BICC1: variants seen among roughly 807,000 people sequenced by gnomAD.
BICC1 encodes the protein BicC family RNA binding protein 1.
In BICC1, 43 loss-of-function variants were observed where a neutral mutation model predicts 111.0. That is an observed-to-expected ratio of 0.39 (90% CI 0.30 to 0.50). The LOEUF is 0.50. Ranked by LOEUF, BICC1 falls within the 20% of genes least tolerant of loss-of-function variation. The pLI, the probability that BICC1 is intolerant of heterozygous loss-of-function variation, is 0.88. For synonymous variants in BICC1, 467 were observed against 434.4 expected (o/e 1.07, Z -0.93); for missense variants, 1,091 against 1,203.2 (o/e 0.91, Z 1.38).
intron 1 of BICC1, among the ~76,000 whole-genome samples, chr10:58,581,106 T>G (rs1479914422): frequency 6.6e-6 from 1 of 152,200 alleles, no homozygotes; most frequent in Non-Finnish European, 1.5e-5. Flanking sequence ...TTTCCATACT[T>G]ATAAAGCAAA....
chr10:58,682,774 G>A (rs1839575079), intron 2 of BICC1, among the ~76,000 whole-genome samples: 2 of 152,296 alleles, frequency 1.3e-5, no homozygotes, highest in South Asian at 4.1e-4. Context: ...GTAGATTCTG[G>A]ATATTAGCCC....
intron 9 of BICC1, among the ~76,000 whole-genome samples, chr10:58,794,807 C>G (rs1020359423): frequency 6.6e-6 from 1 of 152,176 alleles, no homozygotes; most frequent in Non-Finnish European, 1.5e-5. Flanking sequence ...AGCACAGCCA[C>G]TTTGAAGAGC....
intron 3 of BICC1, among the ~76,000 whole-genome samples, chr10:58,784,726 C>T (rs1025444452): frequency 4.6e-5 from 7 of 151,962 alleles, no homozygotes; most frequent in East Asian, 3.9e-4. Context: ...TTTGCAATTA[C>T]GTGATATACT....
Position 58,542,375 on chromosome 10 carries a change from A to G in BICC1, c.190+29042A>G, listed in dbSNP as rs567210495. Among the ~76,000 whole-genome samples the G allele has an allele frequency of 1.4e-3, 216 of 152,184 alleles. 1 individual carries two copies. Among genetic ancestry groups the G allele is most frequent in the African/African-American group, 4.9e-3 (202 of 41,538 alleles). On this transcript the variant is annotated intron_variant, in intron 1 of 20. Transcript: ENST00000373886. ...CTTATACCAGATTAAAAAAAATTAA[A>G]TGGATTAAGACCTAAATGTAATACC...
chr10:58,631,782 A>G (rs1006833653), intron 2 of BICC1, among the ~76,000 whole-genome samples: 8 of 152,310 alleles, frequency 5.3e-5, no homozygotes, highest in South Asian at 2.1e-4. Flanking sequence ...AACCAGCTTC[A>G]ATTTCCACGT....
intron 2 of BICC1, among the ~76,000 whole-genome samples, chr10:58,663,772 T>C (rs1470465237): frequency 6.6e-6 from 1 of 152,176 alleles, no homozygotes; most frequent in Non-Finnish European, 1.5e-5. Context: ...ATGAAACTGG[T>C]CCCTGATGCC....
intron 4 of BICC1, among the ~76,000 whole-genome samples, chr10:58,786,156 A>G (rs1843005433): frequency 6.6e-6 from 1 of 152,212 alleles, no homozygotes; most frequent in Non-Finnish European, 1.5e-5. Context: ...AAGACTGAAT[A>G]ATTTCAGTAA....
At chr10:58,795,518 A>T (rs1843325051) in intron 9 of BICC1, among the ~76,000 whole-genome samples, 1 of 152,210 alleles carries the variant, frequency 6.6e-6, no homozygotes, top group Non-Finnish European at 1.5e-5. Flanking sequence ...GAGTTCAGTA[A>T]GAAATGAGCA....
At position 58,829,139 on chromosome 10, in the gene BICC1, G is replaced by T. The variant is rs2133008259; in HGVS notation, c.*248G>T. ...AGTTGGACAGAATTTGCAATATAAG[G>T]ATAGGGCTTTATTTCCTGTTTTTAT... On this transcript the variant is annotated 3_prime_UTR_variant, in exon 21 of 21. Coordinates refer to ENST00000373886, the MANE Select transcript of BICC1 (RefSeq NM_001080512.3). 3.4e-6 allele frequency: 1 copy of T among 296,364 alleles called. No individual in the cohort carries two copies. Among genetic ancestry groups the T allele is most frequent in the Non-Finnish European group, 6.2e-6 (1 of 161,910 alleles). 18.4% of individuals were successfully genotyped at this position (296,364 alleles called of 1,614,324 possible).
chr10:58,555,082 A>G (rs1843406529), intron 1 of BICC1, among the ~76,000 whole-genome samples: 1 of 151,976 alleles, frequency 6.6e-6, no homozygotes, highest in African/African-American at 2.4e-5. Flanking sequence ...AGTAACTCAC[A>G]TAGTGGGGAG....
At chr10:58,766,135 A>C (rs1015350650) in intron 3 of BICC1, among the ~76,000 whole-genome samples, 1 of 152,184 alleles carries the variant, frequency 6.6e-6, no homozygotes, top group Non-Finnish European at 1.5e-5. Flanking sequence ...CTGGCAGGAC[A>C]GTGGTATCAC....
intron 3 of BICC1, among the ~76,000 whole-genome samples, chr10:58,721,750 C>T (rs1391074336): frequency 2.0e-5 from 3 of 152,070 alleles, no homozygotes; most frequent in South Asian, 4.1e-4. Context: ...ATTTTCAGCA[C>T]GTAAGCAGGG....
At chr10:58,654,894 TC>T (rs1428698668) in intron 2 of BICC1, among the ~76,000 whole-genome samples, 1 of 139,660 alleles carries the variant, frequency 7.2e-6, no homozygotes, top group Admixed American at 7.5e-5. Context: ...TTCAGCTTTC[TC>T]CATATGGCTA....
At chr10:58,656,021 C>T (rs554848590) in intron 2 of BICC1, among the ~76,000 whole-genome samples, 13 of 152,138 alleles carry the variant, frequency 8.5e-5, no homozygotes, top group African/African-American at 3.1e-4. Context: ...GGGATATCAC[C>T]ACCGATCCCA....
chr10:58,555,804 A>C (rs1843434208), intron 1 of BICC1, among the ~76,000 whole-genome samples: 1 of 152,134 alleles, frequency 6.6e-6, no homozygotes, highest in African/African-American at 2.4e-5. Flanking sequence ...TTTAACTTGG[A>C]TTACTGGAGA....
intron 1 of BICC1, among the ~76,000 whole-genome samples, chr10:58,518,495 G>A (rs12248958): frequency 0.54 from 81,463 of 150,464 alleles, 23,044 homozygotes; most frequent in African/African-American, 0.71. Context: ...TCACATGATG[G>A]ATAAAGATTT....
At chr10:58,611,626 C>T (rs118028997) in intron 1 of BICC1, among the ~76,000 whole-genome samples, 1,712 of 151,936 alleles carry the variant, frequency 0.011, 16 homozygotes, top group Non-Finnish European at 0.017. Flanking sequence ...CAGGCATGCT[C>T]TACCACTCCC....
intron 2 of BICC1, among the ~76,000 whole-genome samples, chr10:58,688,040 C>T (rs764768546): frequency 5.9e-5 from 9 of 152,098 alleles, no homozygotes; most frequent in Non-Finnish European, 1.2e-4. Flanking sequence ...TTTGTTCCTC[C>T]CGGTGGGTTC....
At chr10:58,659,950 T>G (rs1355671844) in intron 2 of BICC1, among the ~76,000 whole-genome samples, 2 of 152,238 alleles carry the variant, frequency 1.3e-5, no homozygotes, top group Non-Finnish European at 2.9e-5. Flanking sequence ...TGTGCTGGCA[T>G]GGAGGTAGTT....
Sources: gnomAD v4.1 joint callset for allele counts (sites outside exome capture counted in the v4.1 genomes callset) on GRCh38, gnomAD v4.1.1 for gene constraint, MANE v1.5 for transcripts, NCBI Gene and HGNC (gene_info 2026-07-23, HGNC 2026-07-21) for gene names.